Variants in CACNA2D3 observed in about 807,000 individuals in gnomAD.
The protein encoded by CACNA2D3 is calcium voltage-gated channel auxiliary subunit alpha2delta 3.
CACNA2D3 carries 60 observed loss-of-function variants against 160.6 expected under a neutral mutation model. The ratio of observed to expected loss-of-function variants is 0.37; its 90% CI spans 0.30 to 0.46. The LOEUF (loss-of-function observed/expected upper bound fraction) is 0.46, where lower values mean the gene tolerates loss of function less well. Among genes scored for constraint, CACNA2D3 ranks in the 20% least tolerant of loss-of-function variants. The pLI, the probability that CACNA2D3 is intolerant of heterozygous loss-of-function variation, is 1.00. For missense variants in CACNA2D3, 1,205 were observed against 1,365.0 expected, an observed-to-expected ratio of 0.88 and a Z score of 1.85; for synonymous variants, 558 against 492.9, an observed-to-expected ratio of 1.13 and a Z score of -1.75.
At chr3:54,976,341 G>A (rs1702390470) in intron 29 of CACNA2D3, among the ~76,000 whole-genome samples, 1 of 116,824 alleles carries the variant, frequency 8.6e-6, no homozygotes, top group Non-Finnish European at 1.7e-5. Context: ...TGGGGTGGGG[G>A]GAGGGGGGAG....
chr3:54,282,333 C>T (rs1702899722), intron 2 of CACNA2D3, among the ~76,000 whole-genome samples: 2 of 152,170 alleles, frequency 1.3e-5, no homozygotes, highest in Non-Finnish European at 2.9e-5. Context: ...TGAATAAATA[C>T]AAGCTCATGA....
At chr3:54,610,147 G>T (rs1329471993) in intron 9 of CACNA2D3, among the ~76,000 whole-genome samples, 1 of 152,014 alleles carries the variant, frequency 6.6e-6, no homozygotes, top group Non-Finnish European at 1.5e-5. Flanking sequence ...GCTAGATTAG[G>T]GGCCCATCCC....
chr3:54,775,395 C>G (rs1328190212), intron 13 of CACNA2D3, among the ~76,000 whole-genome samples: 1 of 152,158 alleles, frequency 6.6e-6, no homozygotes, highest in Non-Finnish European at 1.5e-5. Context: ...AGCAGAGGTC[C>G]TCTGGTAGGT....
chr3:54,616,045 C>T (rs1192575675), intron 9 of CACNA2D3, among the ~76,000 whole-genome samples: 1 of 152,232 alleles, frequency 6.6e-6, no homozygotes, highest in Non-Finnish European at 1.5e-5. Context: ...GCTACCTCCC[C>T]ATACCCCTGT....
At chr3:54,258,622 TTTACA>T (rs1702344748) in intron 2 of CACNA2D3, among the ~76,000 whole-genome samples, 1 of 152,174 alleles carries the variant, frequency 6.6e-6, no homozygotes, top group Non-Finnish European at 1.5e-5. Context: ...AGAGCTTTCC[TTTACA>T]CTTTGGAAGG....
chr3:54,522,752 G>T (rs1701664062), intron 5 of CACNA2D3, among the ~76,000 whole-genome samples: 1 of 152,108 alleles, frequency 6.6e-6, no homozygotes, highest in South Asian at 2.1e-4. Flanking sequence ...CACTCCTGCA[G>T]CAAACCACTA....
chr3:54,153,391 A>G (rs1700186472), intron 2 of CACNA2D3, among the ~76,000 whole-genome samples: 1 of 152,236 alleles, frequency 6.6e-6, no homozygotes, highest in Non-Finnish European at 1.5e-5. Context: ...ATAAATATCT[A>G]AGTGAGAAAT....
intron 3 of CACNA2D3, among the ~76,000 whole-genome samples, chr3:54,340,932 C>T (rs1698329789): frequency 6.6e-6 from 1 of 152,210 alleles, no homozygotes. Flanking sequence ...GGTCTCGTCA[C>T]TGACCTGATC....
chr3:54,480,968 C>T (rs572541816), intron 4 of CACNA2D3, among the ~76,000 whole-genome samples: 2 of 152,266 alleles, frequency 1.3e-5, no homozygotes, highest in African/African-American at 4.8e-5. Flanking sequence ...TTATTCCTCT[C>T]TATAATGACC....
At chr3:54,273,387 TCA>T (rs1220068244) in intron 2 of CACNA2D3, among the ~76,000 whole-genome samples, 2 of 152,218 alleles carry the variant, frequency 1.3e-5, no homozygotes, top group Non-Finnish European at 2.9e-5. Context: ...TCTGTCTCTC[TCA>T]CGCACACACC....
chr3:54,683,854 G>C (rs1382344746), intron 11 of CACNA2D3, among the ~76,000 whole-genome samples: 1 of 151,980 alleles, frequency 6.6e-6, no homozygotes, highest in Admixed American at 6.6e-5. Flanking sequence ...GCTTCTAGTG[G>C]TTGCTAGTAA....
At chr3:54,353,775 A>G (rs1181858644) in intron 3 of CACNA2D3, among the ~76,000 whole-genome samples, 1 of 152,158 alleles carries the variant, frequency 6.6e-6, no homozygotes, top group African/African-American at 2.4e-5. Flanking sequence ...CTCCCTGCAG[A>G]CTTGGGCTTC....
chr3:54,357,912 G>C (rs1240312537), intron 3 of CACNA2D3, among the ~76,000 whole-genome samples: 1 of 152,190 alleles, frequency 6.6e-6, no homozygotes, highest in African/African-American at 2.4e-5. Flanking sequence ...AGGGGTAGGG[G>C]AGAAGCAGAG....
At chr3:54,734,791 G>A (rs574507854) in intron 11 of CACNA2D3, among the ~76,000 whole-genome samples, 3 of 152,250 alleles carry the variant, frequency 2.0e-5, no homozygotes, top group Admixed American at 6.5e-5. Flanking sequence ...TAACATCCTC[G>A]GCTTCACTCT....
intron 27 of CACNA2D3, among the ~76,000 whole-genome samples, chr3:54,939,708 C>T (rs1180782616): frequency 6.6e-6 from 1 of 152,200 alleles, no homozygotes; most frequent in Non-Finnish European, 1.5e-5. Flanking sequence ...CAGAAGCCGC[C>T]CCTGCAGGCC....
At chr3:54,995,726 A>G (rs1014567304) in intron 31 of CACNA2D3, among the ~76,000 whole-genome samples, 3 of 152,220 alleles carry the variant, frequency 2.0e-5, no homozygotes, top group African/African-American at 7.2e-5. Context: ...AACCTGGGAA[A>G]TGTGCATATT....
chr3:54,988,163 G>T lies in CACNA2D3; in HGVS notation c.2690+410G>T, dbSNP rs551731060. On this transcript the variant is annotated intron_variant, in intron 31 of 37. Coordinates refer to ENST00000474759, the MANE Select transcript of CACNA2D3 (RefSeq NM_018398.3). The stretch of plus-strand genomic sequence containing the variant: ...ATCTGGAACTTGGGGATGAAAGGTG[G>T]TATTTAGAGACTTCTTGATGTTGTT... 3.0e-3 allele frequency among the ~76,000 whole-genome samples: 459 copies of T among 152,288 alleles called. 1 individual carries two copies. The highest frequency in any genetic ancestry group is 0.011 in the African/African-American group (443 of 41,560).
chr3:54,554,393 AAAC>A (rs1702206978), intron 5 of CACNA2D3, among the ~76,000 whole-genome samples: 1 of 152,230 alleles, frequency 6.6e-6, no homozygotes, highest in Non-Finnish European at 1.5e-5. Context: ...TTTGTCGAGT[AAAC>A]AAATGAATGA....
At chr3:54,996,769 A>G (rs573945289) in intron 31 of CACNA2D3, among the ~76,000 whole-genome samples, 19 of 152,194 alleles carry the variant, frequency 1.2e-4, no homozygotes, top group Non-Finnish European at 2.1e-4. Context: ...AGTGGAACCA[A>G]CCCAAATGCC....
Sources: gnomAD v4.1 joint callset for allele counts (sites outside exome capture counted in the v4.1 genomes callset) on GRCh38, gnomAD v4.1.1 for gene constraint, MANE v1.5 for transcripts, NCBI Gene and HGNC (gene_info 2026-07-23, HGNC 2026-07-21) for gene names.